TMEM272: variants seen among roughly 807,000 people sequenced by gnomAD.
TMEM272 encodes the protein long intergenic non-protein coding RNA 282.
Under a neutral mutation model 3.7 loss-of-function variants are expected in TMEM272, and 8 were observed. The observed-to-expected ratio is 2.17, with a 90% CI of 1.27 to 3.91. The LOEUF is 3.91. TMEM272 is among the 30% of genes most tolerant of loss of function. The pLI, the probability that TMEM272 is intolerant of heterozygous loss-of-function variation, is 0.00. For missense variants in TMEM272, 166 were observed against 91.5 expected (o/e 1.81, Z -3.32); for synonymous variants, 63 against 39.8 (o/e 1.58, Z -2.20).
chr13:51,922,714 A>G, the TMEM272 span, among the ~76,000 whole-genome samples: 4 of 152,200 alleles, frequency 2.6e-5, no homozygotes, highest in Non-Finnish European at 4.4e-5. Flanking sequence ...TAAAATCAAG[A>G]TGTGGGCAGG....
At chr13:51,883,071 T>C in the TMEM272 span, among the ~76,000 whole-genome samples, 9 of 152,202 alleles carry the variant, frequency 5.9e-5, 1 homozygote, top group East Asian at 1.9e-4. Context: ...ACCTGAAAAC[T>C]TGGAGATGCC....
At chr13:51,835,592 A>G (rs1393166149) in intron 2 of TMEM272, among the ~76,000 whole-genome samples, 1 of 152,240 alleles carries the variant, frequency 6.6e-6, no homozygotes, top group Non-Finnish European at 1.5e-5. Flanking sequence ...AGAAAACCAG[A>G]AAGAAGTAAA....
the TMEM272 span, among the ~76,000 whole-genome samples, chr13:51,875,184 T>C: frequency 6.6e-6 from 1 of 152,182 alleles, no homozygotes; most frequent in Admixed American, 6.5e-5. Context: ...CAGTTAATCC[T>C]CACAACAACC....
the TMEM272 span, among the ~76,000 whole-genome samples, chr13:51,926,568 C>G: frequency 7.4e-6 from 1 of 135,412 alleles, no homozygotes. Flanking sequence ...AAGGGAAGAG[C>G]CCGTGAGAGG....
At chr13:51,893,438 C>T in the TMEM272 span, among the ~76,000 whole-genome samples, 1 of 152,170 alleles carries the variant, frequency 6.6e-6, no homozygotes, top group African/African-American at 2.4e-5. Flanking sequence ...TCTCAGATCC[C>T]CCTCTTCCTT....
At chr13:51,835,818 T>G (rs1357701619) in intron 2 of TMEM272, among the ~76,000 whole-genome samples, 1 of 152,232 alleles carries the variant, frequency 6.6e-6, no homozygotes, top group Non-Finnish European at 1.5e-5. Flanking sequence ...TCTGCATGCT[T>G]TTTAAGTTTT....
At chr13:51,876,126 A>T in the TMEM272 span, among the ~76,000 whole-genome samples, 1 of 151,870 alleles carries the variant, frequency 6.6e-6, no homozygotes, top group Non-Finnish European at 1.5e-5. Flanking sequence ...TGTTCCCCCC[A>T]AAAAAAGGAA....
chr13:51,851,670 G>A, the TMEM272 span, among the ~76,000 whole-genome samples: 7 of 151,820 alleles, frequency 4.6e-5, no homozygotes, highest in African/African-American at 1.7e-4. Flanking sequence ...GACTACAGGC[G>A]CACGCCACCA....
chr13:51,868,508 A>G, the TMEM272 span, among the ~76,000 whole-genome samples: 1 of 152,374 alleles, frequency 6.6e-6, no homozygotes, highest in Non-Finnish European at 1.5e-5. Flanking sequence ...TAGAGTGCAG[A>G]TAACATTCAC....
chr13:51,878,979 G>T, the TMEM272 span, among the ~76,000 whole-genome samples: 1 of 152,116 alleles, frequency 6.6e-6, no homozygotes, highest in Non-Finnish European at 1.5e-5. Flanking sequence ...GTAATTTAAG[G>T]CCCAGCAGAG....
the TMEM272 span, among the ~76,000 whole-genome samples, chr13:51,903,744 T>C: frequency 6.6e-6 from 1 of 152,126 alleles, no homozygotes; most frequent in African/African-American, 2.4e-5. Context: ...CGTGTGGGTG[T>C]GGGGCAAAGG....
intron 4 of TMEM272, among the ~76,000 whole-genome samples, chr13:51,820,043 G>A (rs1404131997): frequency 6.6e-6 from 1 of 151,954 alleles, no homozygotes; most frequent in Non-Finnish European, 1.5e-5. Flanking sequence ...TAAATTACAC[G>A]GTCAACTCAC....
chr13:51,913,141 G>A, the TMEM272 span, among the ~76,000 whole-genome samples: 1 of 152,192 alleles, frequency 6.6e-6, no homozygotes, highest in Non-Finnish European at 1.5e-5. Context: ...CGCTTCGTGT[G>A]GAATGCAGTT....
the TMEM272 span, among the ~76,000 whole-genome samples, chr13:51,892,335 GT>G: frequency 6.6e-6 from 1 of 152,316 alleles, no homozygotes; most frequent in African/African-American, 2.4e-5. Context: ...CATCATCATT[GT>G]CATCTCATCT....
chr13:51,834,110 C>T (rs1045860979), intron 2 of TMEM272, among the ~76,000 whole-genome samples: 3 of 152,130 alleles, frequency 2.0e-5, no homozygotes, highest in African/African-American at 7.2e-5. Context: ...AAGGACAGAG[C>T]GTGCTGCTGT....
chr13:51,823,943 G>T (rs556952097), intron 3 of TMEM272, among the ~76,000 whole-genome samples: 36 of 152,302 alleles, frequency 2.4e-4, no homozygotes, highest in African/African-American at 8.4e-4. Flanking sequence ...TGATGTTTAG[G>T]TGAATTTGTT....
At chr13:51,909,986 C>T in the TMEM272 span, 140 of 1,571,632 alleles carry the variant, frequency 8.9e-5, no homozygotes, top group African/African-American at 1.4e-3. Context: ...AATTTTCACT[C>T]GAAGCATCTT....
the TMEM272 span, among the ~76,000 whole-genome samples, chr13:51,881,173 A>G: frequency 2.0e-5 from 3 of 152,176 alleles, no homozygotes; most frequent in South Asian, 6.2e-4. Flanking sequence ...GCAGGGATTT[A>G]GGTCACACAT....
chr13:51,880,043 A>G, the TMEM272 span, among the ~76,000 whole-genome samples: 3 of 152,216 alleles, frequency 2.0e-5, no homozygotes, highest in African/African-American at 4.8e-5. Flanking sequence ...TCCCTTTAAC[A>G]TGCCATGGGG....
Sources: allele counts gnomAD v4.1 joint callset (sites outside exome capture counted in the v4.1 genomes callset), GRCh38; gene constraint gnomAD v4.1.1; transcripts MANE v1.5; gene names NCBI Gene and HGNC (gene_info 2026-07-23, HGNC 2026-07-21).